Variants in ARF3 observed in about 807,000 individuals in gnomAD.
ARF3 encodes ADP-ribosylation factor 3.
Under a neutral mutation model 19.3 loss-of-function variants are expected in ARF3, and 5 were observed. That is an observed-to-expected ratio of 0.26 (90% CI 0.14 to 0.54). The LOEUF (loss-of-function observed/expected upper bound fraction) is 0.54, where lower values mean the gene tolerates loss of function less well. Among genes scored for constraint, ARF3 ranks in the 20% least tolerant of loss-of-function variants. ARF3 has a pLI of 0.95. For synonymous variants in ARF3, 71 were observed against 89.2 expected, an observed-to-expected ratio of 0.80 and a Z score of 1.15; for missense variants, 77 against 234.2, an observed-to-expected ratio of 0.33 and a Z score of 4.38.
At chr12:48,945,017 G>A (rs1214468428) in intron 1 of ARF3, among the ~76,000 whole-genome samples, 1 of 150,486 alleles carries the variant, frequency 6.6e-6, no homozygotes, top group East Asian at 2.0e-4. Context: ...GGGCATGGTG[G>A]TGCGCGCCTG....
intron 1 of ARF3, chr12:48,953,380 G>A (rs905911944): frequency 1.3e-5 from 2 of 152,038 alleles, no homozygotes; most frequent in Admixed American, 1.3e-4. Flanking sequence ...TTATGTATTA[G>A]AATTCAAATA....
chr12:48,954,947 C>T (rs1192482250), intron 1 of ARF3, among the ~76,000 whole-genome samples: 2 of 152,082 alleles, frequency 1.3e-5, no homozygotes, highest in Non-Finnish European at 2.9e-5. Flanking sequence ...GAGGCCAGCT[C>T]GAGGCTGCAG....
intron 1 of ARF3, among the ~76,000 whole-genome samples, chr12:48,950,241 G>A (rs754404664): frequency 1.3e-5 from 2 of 151,032 alleles, no homozygotes; most frequent in Non-Finnish European, 3.0e-5. Context: ...TGTCACCCAA[G>A]CTGGAGTGCA....
chr12:48,952,731 C>T (rs1940491288), intron 1 of ARF3, among the ~76,000 whole-genome samples: 1 of 152,246 alleles, frequency 6.6e-6, no homozygotes, highest in Non-Finnish European at 1.5e-5. Flanking sequence ...CACAGAGGAA[C>T]AGAGAACTGC....
intron 2 of ARF3, 40 bp from the exon 3 acceptor site, chr12:48,940,147 C>T (rs1487685844): frequency 6.5e-7 from 1 of 1,541,672 alleles, no homozygotes; most frequent in Non-Finnish European, 9.0e-7. Flanking sequence ...TGGCCTCAAA[C>T]ACTAGCCCCG....
At chr12:48,942,281 G>A (rs538889981) in intron 1 of ARF3, among the ~76,000 whole-genome samples, 155 of 145,738 alleles carry the variant, frequency 1.1e-3, no homozygotes, top group Non-Finnish European at 1.7e-3. Flanking sequence ...AGGTCTTACC[G>A]TGTTGCCCAG....
At chr12:48,943,430 C>T (rs922352484) in intron 1 of ARF3, among the ~76,000 whole-genome samples, 8 of 152,178 alleles carry the variant, frequency 5.3e-5, no homozygotes, top group Admixed American at 4.6e-4. Flanking sequence ...TGCTGGCATT[C>T]TCTAGAGTCT....
Position 48,939,610 on chromosome 12 carries a change from G to A in ARF3, c.384+45C>T, listed in dbSNP as rs772520335. 3 of 1,612,780 alleles carry A rather than the reference G, an allele frequency of 1.9e-6. No homozygotes were observed. The highest frequency in any genetic ancestry group is 2.2e-5 in the East Asian group (1 of 44,842). ...GGCCCAAGAGCCAACAATTTCCACA[G>A]CCAGTTTGCTGTCTCCCAAATTCAG... On this transcript the variant is annotated intron_variant, in intron 4 of 4. Transcript: ENST00000256682. The surrounding 1 kb of genome is among the most constrained non-coding windows in gnomAD (Gnocchi z 4.8).
chr12:48,945,362 G>A (rs942323368), intron 1 of ARF3, among the ~76,000 whole-genome samples: 1 of 152,070 alleles, frequency 6.6e-6, no homozygotes, highest in Non-Finnish European at 1.5e-5. Flanking sequence ...GGCGGAACAC[G>A]AGGTCAGGAG....
At chr12:48,947,087 C>A (rs1940370788) in intron 1 of ARF3, among the ~76,000 whole-genome samples, 1 of 152,132 alleles carries the variant, frequency 6.6e-6, no homozygotes, top group South Asian at 2.1e-4. Flanking sequence ...ACCAAACAGA[C>A]CAATACAATT....
chr12:48,945,021 G>A (rs1050815186), intron 1 of ARF3, among the ~76,000 whole-genome samples: 9 of 149,244 alleles, frequency 6.0e-5, no homozygotes, highest in Admixed American at 1.4e-4. Flanking sequence ...ATGGTGGTGC[G>A]CGCCTGTACT....
rs1940248374 is a variant in ARF3, at chr12:48,941,143, G to C, written c.-48C>G. 6.4e-7 allele frequency: 1 copy of C among 1,573,602 alleles called. No homozygotes were observed. The highest frequency in any genetic ancestry group is 1.2e-5 in the South Asian group (1 of 85,898). Reference sequence around the variant, plus strand: ...GGACAGTGGGGCCCAAGTAGGGGCAGTGGCAGTCTGGTTTTGGCCTGGTCC... The same window carrying C: ...GGACAGTGGGGCCCAAGTAGGGGCACTGGCAGTCTGGTTTTGGCCTGGTCC... On this transcript the variant is annotated 5_prime_UTR_variant, in exon 2 of 5. Coordinates refer to ENST00000256682, the MANE Select transcript of ARF3 (RefSeq NM_001659.3).
At chr12:48,945,055 G>A (rs569827456) in intron 1 of ARF3, among the ~76,000 whole-genome samples, 2 of 149,300 alleles carry the variant, frequency 1.3e-5, no homozygotes, top group Admixed American at 6.8e-5. Context: ...CAGGAGAACC[G>A]CTGGAATCCA....
Position 48,939,509 on chromosome 12 carries a change from G to T in ARF3, c.384+146C>A. On this transcript the variant is annotated intron_variant, in intron 4 of 4. Coordinates refer to ENST00000256682, the MANE Select transcript of ARF3 (RefSeq NM_001659.3). The surrounding 1 kb of genome is among the most constrained non-coding windows in gnomAD (Gnocchi z 4.8). ...GCTTGGGGTGGGGCACAAGAAGAGGGGCATAAAGAAGCCAAGTGCTCAGTT... is the reference window on the plus strand; with the variant it reads ...GCTTGGGGTGGGGCACAAGAAGAGGTGCATAAAGAAGCCAAGTGCTCAGTT... 9.5e-7 allele frequency: 1 copy of T among 1,047,694 alleles called. No individual in the cohort carries two copies. Among genetic ancestry groups the T allele is most frequent in the Non-Finnish European group, 1.4e-6 (1 of 720,356 alleles). 64.9% of individuals were successfully genotyped at this position (1,047,694 alleles called of 1,614,324 possible). A position where few individuals can be genotyped will look rare whatever the true frequency, so the allele number is the denominator to read the frequency against.
chr12:48,940,730 A>T (rs1940241883), intron 2 of ARF3, among the ~76,000 whole-genome samples: 1 of 152,202 alleles, frequency 6.6e-6, no homozygotes, highest in Admixed American at 6.5e-5. Context: ...GTTGAGTGCC[A>T]GGCCATGGAA....
intron 1 of ARF3, chr12:48,955,887 ATCAT>A (rs1422588779): frequency 6.6e-6 from 1 of 152,230 alleles, no homozygotes; most frequent in Non-Finnish European, 1.5e-5. Flanking sequence ...TCCAAGGTCA[ATCAT>A]TCATTCGGTG....
chr12:48,951,965 G>C (rs1199987628), intron 1 of ARF3, among the ~76,000 whole-genome samples: 1 of 152,104 alleles, frequency 6.6e-6, no homozygotes, highest in Non-Finnish European at 1.5e-5. Context: ...GAAGCAACCA[G>C]AGAGGCAGAA....
chr12:48,939,826 TCCC>T lies in ARF3; in HGVS notation c.260-50_260-48del, dbSNP rs752035378. The stretch of plus-strand genomic sequence containing the variant: ...TGCACTAAGATGACAGGTAACCCCC[TCCC>T]CCCAACCAAAAGACCACACCTGCCT... On this transcript the variant is annotated intron_variant, in intron 3 of 4. Coordinates refer to ENST00000256682, the MANE Select transcript of ARF3 (RefSeq NM_001659.3). This position sits in a 1 kb window ranked among gnomAD's most constrained non-coding sequence, Gnocchi z 4.8. 8.7e-6 allele frequency: 14 copies of T among 1,609,850 alleles called. No homozygotes were observed. Among genetic ancestry groups the T allele is most frequent in the Non-Finnish European group, 1.1e-5 (13 of 1,177,396 alleles).
intron 1 of ARF3, among the ~76,000 whole-genome samples, chr12:48,946,057 C>A (rs757656859): frequency 1.3e-5 from 2 of 152,226 alleles, no homozygotes; most frequent in Non-Finnish European, 2.9e-5. Context: ...CCTGCCTTGG[C>A]CTCCTGAAGT....
Sources: gnomAD v4.1 joint callset for allele counts (sites outside exome capture counted in the v4.1 genomes callset) on GRCh38, gnomAD v4.1.1 for gene constraint, Gnocchi (gnomAD v3.1) non-coding constraint, MANE v1.5 for transcripts, NCBI Gene and HGNC (gene_info 2026-07-23, HGNC 2026-07-21) for gene names.